KCND2: variants seen among roughly 807,000 people sequenced by gnomAD.
KCND2 encodes the protein potassium voltage-gated channel subfamily D member 2.
Under a neutral mutation model 54.4 loss-of-function variants are expected in KCND2, and 16 were observed. The ratio of observed to expected loss-of-function variants is 0.29; its 90% CI spans 0.20 to 0.45. The LOEUF (loss-of-function observed/expected upper bound fraction) is 0.45. Among genes scored for constraint, KCND2 ranks in the 20% least tolerant of loss-of-function variants. The pLI is 1.00. For missense variants in KCND2, 486 were observed against 824.2 expected (o/e 0.59, Z 5.02); for synonymous variants, 317 against 310.7 (o/e 1.02, Z -0.21).
intron 1 of KCND2, among the ~76,000 whole-genome samples, chr7:120,578,473 A>G (rs556670772): frequency 2.1e-4 from 32 of 152,276 alleles, no homozygotes; most frequent in Admixed American, 6.5e-4. Context: ...CCATTAGCCA[A>G]TTAATCACAT....
intron 1 of KCND2, among the ~76,000 whole-genome samples, chr7:120,561,635 G>A (rs1344274117): frequency 2.8e-5 from 3 of 106,104 alleles, no homozygotes; most frequent in Non-Finnish European, 5.2e-5. Flanking sequence ...TTTTGAGATG[G>A]AGTTTTGCTC....
At chr7:120,533,465 T>C (rs1186450855) in intron 1 of KCND2, among the ~76,000 whole-genome samples, 2 of 152,128 alleles carry the variant, frequency 1.3e-5, no homozygotes, top group Non-Finnish European at 2.9e-5. Context: ...ATTTCATATG[T>C]GCCCTGTTTT....
intron 1 of KCND2, among the ~76,000 whole-genome samples, chr7:120,365,909 A>G (rs1336039347): frequency 1.3e-5 from 2 of 152,174 alleles, no homozygotes; most frequent in African/African-American, 4.8e-5. Context: ...TTACATAAGA[A>G]TAAAATGAGA....
chr7:120,471,354 A>G (rs1562847853), intron 1 of KCND2, among the ~76,000 whole-genome samples: 2 of 152,140 alleles, frequency 1.3e-5, no homozygotes, highest in Non-Finnish European at 2.9e-5. Context: ...AACAGCAGCA[A>G]GTTATGATTT....
chr7:120,693,887 A>G (rs1421395680), intron 1 of KCND2, among the ~76,000 whole-genome samples: 1 of 152,136 alleles, frequency 6.6e-6, no homozygotes, highest in Non-Finnish European at 1.5e-5. Flanking sequence ...GAAAAATATA[A>G]CCATCTGTAA....
chr7:120,629,552 G>A (rs1224357462), intron 1 of KCND2, among the ~76,000 whole-genome samples: 1 of 152,202 alleles, frequency 6.6e-6, no homozygotes, highest in Non-Finnish European at 1.5e-5. Flanking sequence ...AGCCATGCGA[G>A]GAACTGTTGA....
At chr7:120,662,506 T>G (rs1021732771) in intron 1 of KCND2, among the ~76,000 whole-genome samples, 1 of 152,222 alleles carries the variant, frequency 6.6e-6, no homozygotes, top group Non-Finnish European at 1.5e-5. Context: ...ACAATGGATC[T>G]CTCTATTGCA....
intron 1 of KCND2, among the ~76,000 whole-genome samples, chr7:120,474,031 G>A (rs73435871): frequency 0.011 from 1,660 of 152,288 alleles, 34 homozygotes; most frequent in African/African-American, 0.038. Flanking sequence ...ATCTAATGGT[G>A]CGTCTTGCAG....
intron 1 of KCND2, among the ~76,000 whole-genome samples, chr7:120,429,234 C>A (rs1225012786): frequency 1.3e-5 from 2 of 152,094 alleles, no homozygotes; most frequent in East Asian, 3.8e-4. Flanking sequence ...GACCTTTTTA[C>A]TGATGGTGCA....
intron 1 of KCND2, among the ~76,000 whole-genome samples, chr7:120,361,403 T>G (rs1288988398): frequency 6.6e-6 from 1 of 152,004 alleles, no homozygotes; most frequent in East Asian, 1.9e-4. Flanking sequence ...CTCTCTCTTT[T>G]TTTTTTTTCC....
chr7:120,468,636 A>C (rs1802412344), intron 1 of KCND2, among the ~76,000 whole-genome samples: 1 of 152,168 alleles, frequency 6.6e-6, no homozygotes, highest in Non-Finnish European at 1.5e-5. Flanking sequence ...GATATTTAAA[A>C]GGCCATAGCA....
intron 1 of KCND2, among the ~76,000 whole-genome samples, chr7:120,500,623 C>A (rs1035128287): frequency 6.6e-6 from 1 of 151,772 alleles, no homozygotes; most frequent in Admixed American, 6.6e-5. Flanking sequence ...AATGAACAAA[C>A]CAACCAATCC....
At chr7:120,592,780 A>G (rs1209373323) in intron 1 of KCND2, among the ~76,000 whole-genome samples, 2 of 152,214 alleles carry the variant, frequency 1.3e-5, no homozygotes, top group Admixed American at 1.3e-4. Context: ...TCTTGGCCTA[A>G]TAAAATTAGG....
At chr7:120,513,822 A>G (rs1803156937) in intron 1 of KCND2, among the ~76,000 whole-genome samples, 1 of 152,114 alleles carries the variant, frequency 6.6e-6, no homozygotes, top group Non-Finnish European at 1.5e-5. Flanking sequence ...AAACCAACAA[A>G]GCCACTTAAA....
intron 1 of KCND2, among the ~76,000 whole-genome samples, chr7:120,317,218 T>G (rs959913173): frequency 6.6e-6 from 1 of 152,194 alleles, no homozygotes; most frequent in Non-Finnish European, 1.5e-5. Context: ...ACTTCTTCAA[T>G]AAACTGTTAG....
intron 1 of KCND2, among the ~76,000 whole-genome samples, chr7:120,414,768 G>C (rs1801501626): frequency 6.6e-6 from 1 of 152,002 alleles, no homozygotes; most frequent in African/African-American, 2.4e-5. Context: ...TCATCCCTTA[G>C]TTTGATTGTT....
intron 1 of KCND2, among the ~76,000 whole-genome samples, chr7:120,422,983 T>C (rs1247404691): frequency 6.6e-6 from 1 of 152,234 alleles, no homozygotes; most frequent in Non-Finnish European, 1.5e-5. Context: ...TTCAGACATT[T>C]CTGAACTGCT....
intron 1 of KCND2, among the ~76,000 whole-genome samples, chr7:120,611,471 T>G (rs1792953979): frequency 6.6e-6 from 1 of 152,142 alleles, no homozygotes. Flanking sequence ...AATGAACTTT[T>G]GCTGTCAGAA....
intron 1 of KCND2, among the ~76,000 whole-genome samples, chr7:120,576,862 A>G (rs1264867423): frequency 6.6e-6 from 1 of 152,116 alleles, no homozygotes; most frequent in Non-Finnish European, 1.5e-5. Context: ...ATAATAATGG[A>G]GAGGCTGGGC....
Sources: allele counts gnomAD v4.1 joint callset (sites outside exome capture counted in the v4.1 genomes callset), GRCh38; gene constraint gnomAD v4.1.1; transcripts MANE v1.5; gene names NCBI Gene and HGNC (gene_info 2026-07-23, HGNC 2026-07-21).